Variants in PTPRD observed in about 807,000 individuals in gnomAD.
PTPRD encodes receptor-type tyrosine-protein phosphatase delta.
Under a neutral mutation model 214.5 loss-of-function variants are expected in PTPRD, and 34 were observed. That is an observed-to-expected ratio of 0.16 (90% CI 0.12 to 0.21). PTPRD has a LOEUF of 0.21. Ranked by LOEUF, PTPRD falls within the 10% of genes least tolerant of loss-of-function variation. The probability of loss-of-function intolerance (pLI) is 1.00; values close to 1 mark genes in which losing one functional copy is unlikely to be tolerated. For missense variants in PTPRD, 2,545 were observed against 2,398.7 expected (o/e 1.06, Z -1.27); for synonymous variants, 1,128 against 845.7 (o/e 1.33, Z -5.79).
chr9:9,649,047 AG>A (rs2096267302), intron 7 of PTPRD, among the ~76,000 whole-genome samples: 1 of 152,186 alleles, frequency 6.6e-6, no homozygotes, highest in Non-Finnish European at 1.5e-5. Flanking sequence ...CCAAGTCTCA[AG>A]GATGAGCCAG....
At chr9:8,949,600 A>C (rs574189328) in intron 11 of PTPRD, among the ~76,000 whole-genome samples, 1 of 152,314 alleles carries the variant, frequency 6.6e-6, no homozygotes, top group East Asian at 1.9e-4. Flanking sequence ...TGTTGAGGTT[A>C]CAAATTTAAA....
At chr9:10,436,929 G>C (rs1426035369) in intron 2 of PTPRD, among the ~76,000 whole-genome samples, 5 of 151,768 alleles carry the variant, frequency 3.3e-5, no homozygotes, top group Non-Finnish European at 7.4e-5. Flanking sequence ...GTAGATGCAA[G>C]ATGTCCACTT....
At chr9:9,844,847 C>A (rs2059114621) in intron 5 of PTPRD, among the ~76,000 whole-genome samples, 1 of 151,236 alleles carries the variant, frequency 6.6e-6, no homozygotes, top group East Asian at 1.9e-4. Flanking sequence ...GAATTTGTGG[C>A]ATTTTATTTT....
Position 10,117,612 on chromosome 9 carries a change from G to GTTTTT in PTPRD, c.-544-83827_-544-83823dup, listed in dbSNP as rs35593505. ...TTCCCTGTATGGATTAAATCTCCCC[G>GTTTTT]TTTTTTTTTTTTTCTTATAATAATA... On this transcript the variant is annotated intron_variant, in intron 3 of 45. Coordinates refer to ENST00000381196, the MANE Select transcript of PTPRD (RefSeq NM_002839.4). Among the ~76,000 whole-genome samples the GTTTTT allele has an allele frequency of 9.2e-4, 133 of 144,688 alleles. 1 individual carries two copies. Among genetic ancestry groups the GTTTTT allele is most frequent in the African/African-American group, 3.0e-3 (118 of 39,566 alleles). 94.9% of individuals were successfully genotyped at this position (144,688 alleles called of 152,430 possible).
At chr9:8,330,961 AAACACTAAATTTATGGT>A (rs1258744434) in intron 44 of PTPRD, among the ~76,000 whole-genome samples, 10 of 152,282 alleles carry the variant, frequency 6.6e-5, no homozygotes, top group Admixed American at 4.6e-4. Flanking sequence ...CAACTTCCAA[AAACACTAAATTTATGGT>A]GAATGTCTGA....
At chr9:10,088,224 T>G (rs920685783) in intron 3 of PTPRD, among the ~76,000 whole-genome samples, 7 of 151,764 alleles carry the variant, frequency 4.6e-5, no homozygotes, top group Non-Finnish European at 7.4e-5. Context: ...CAAAATGAAC[T>G]TTATACCTAC....
chr9:10,253,521 A>G (rs868745510), intron 3 of PTPRD, among the ~76,000 whole-genome samples: 1 of 152,344 alleles, frequency 6.6e-6, no homozygotes, highest in South Asian at 2.1e-4. Flanking sequence ...ACTAAAAGCC[A>G]ATTCTCCTCC....
chr9:10,532,483 C>G (rs1192762801), intron 2 of PTPRD: 1 of 150,358 alleles, frequency 6.7e-6, no homozygotes, highest in East Asian at 1.9e-4. Flanking sequence ...AAAAATGACC[C>G]TATCCAAATG....
intron 14 of PTPRD, among the ~76,000 whole-genome samples, chr9:8,616,945 G>A (rs2095631580): frequency 6.6e-6 from 1 of 152,110 alleles, no homozygotes; most frequent in Non-Finnish European, 1.5e-5. Flanking sequence ...TCATATAGAA[G>A]TTCAGTTGGT....
Position 8,919,822 on chromosome 9 carries a change from C to A in PTPRD, c.-104+98875G>T, listed in dbSNP as rs555614924. Among the ~76,000 whole-genome samples, 26 of 126,864 alleles carry A rather than the reference C, an allele frequency of 2.0e-4. 2 individuals are homozygous for A. In the South Asian group the frequency reaches 2.6e-3, roughly 12 times the overall value. The allele number at this position is 126,864 out of a possible 152,430, so 83.2% of individuals were successfully genotyped here. A position where few individuals can be genotyped will look rare whatever the true frequency, so the allele number is the denominator to read the frequency against. Reference sequence around the variant, plus strand: ...CACATGCAAGTGCACATACATGCACCCATACATGCATACATACGTGCATGT... The same window carrying A: ...CACATGCAAGTGCACATACATGCACACATACATGCATACATACGTGCATGT... On this transcript the variant is annotated intron_variant, in intron 11 of 45. Coordinates refer to ENST00000381196, the MANE Select transcript of PTPRD (RefSeq NM_002839.4).
At chr9:10,498,171 G>T (rs1436615193) in intron 2 of PTPRD, among the ~76,000 whole-genome samples, 1 of 152,004 alleles carries the variant, frequency 6.6e-6, no homozygotes, top group East Asian at 1.9e-4. Flanking sequence ...TGAGTAGCAA[G>T]ACATGACATG....
At chr9:10,136,045 A>G (rs1288530886) in intron 3 of PTPRD, among the ~76,000 whole-genome samples, 1 of 151,920 alleles carries the variant, frequency 6.6e-6, no homozygotes. Context: ...AGAAAGACCT[A>G]TCATGCAACT....
At chr9:10,162,300 C>T (rs1039652921) in intron 3 of PTPRD, among the ~76,000 whole-genome samples, 15 of 151,428 alleles carry the variant, frequency 9.9e-5, no homozygotes, top group African/African-American at 3.1e-4. Context: ...AACCTAATTG[C>T]CTGTCAATGT....
intron 3 of PTPRD, among the ~76,000 whole-genome samples, chr9:10,295,978 A>G (rs560691050): frequency 1.4e-4 from 21 of 152,016 alleles, no homozygotes; most frequent in Non-Finnish European, 2.9e-4. Flanking sequence ...TTCTCAGTGT[A>G]AGGTTCCTTA....
intron 4 of PTPRD, among the ~76,000 whole-genome samples, chr9:9,983,653 C>T (rs7047405): frequency 0.8 from 122,502 of 152,180 alleles, 50,071 homozygotes; most frequent in Middle Eastern, 0.9. Context: ...ATGACACTTA[C>T]ACTCTCTCTA....
At chr9:9,247,416 T>C (rs2099973554) in intron 9 of PTPRD, among the ~76,000 whole-genome samples, 1 of 152,066 alleles carries the variant, frequency 6.6e-6, no homozygotes, top group African/African-American at 2.4e-5. Context: ...TTCTGAAGGC[T>C]CCCACATCCC....
intron 8 of PTPRD, among the ~76,000 whole-genome samples, chr9:9,511,683 T>A (rs2096712821): frequency 6.6e-6 from 1 of 151,834 alleles, no homozygotes; most frequent in Non-Finnish European, 1.5e-5. Flanking sequence ...ATTTTTATTC[T>A]TTCTCAAATG....
rs2098498296 is a variant in PTPRD at position 10,417,077 on chromosome 9, A to G, written c.-599-76060T>C. On this transcript the variant is annotated intron_variant, in intron 2 of 45. Transcript: ENST00000381196. The stretch of plus-strand genomic sequence containing the variant: ...TAAACTTATGTTAGTGAAGACAACA[A>G]ACTGTGGGGTTGCAGATGTTTTTGC... Among the ~76,000 whole-genome samples, 7 of 151,994 alleles carry G rather than the reference A, an allele frequency of 4.6e-5. No individual in the cohort carries two copies. In the South Asian group the frequency reaches 1.5e-3, roughly 32 times the overall value.
intron 44 of PTPRD, among the ~76,000 whole-genome samples, chr9:8,330,370 C>CTA (rs1838920213): frequency 6.6e-6 from 1 of 151,892 alleles, no homozygotes; most frequent in African/African-American, 2.4e-5. Context: ...CTATTGCACA[C>CTA]TAAATAGACT....
Sources: gnomAD v4.1 joint callset for allele counts (sites outside exome capture counted in the v4.1 genomes callset) on GRCh38, gnomAD v4.1.1 for gene constraint, MANE v1.5 for transcripts, NCBI Gene and HGNC (gene_info 2026-07-23, HGNC 2026-07-21) for gene names.